Variants in SNX24 observed in about 807,000 individuals in gnomAD.
SNX24 encodes sorting nexin-24.
SNX24 carries 22 observed loss-of-function variants against 28.7 expected under a neutral mutation model. That is an observed-to-expected ratio of 0.77 (90% CI 0.55 to 1.10). SNX24 has a LOEUF of 1.10. Ranked by LOEUF, SNX24 falls within the 50% of genes least tolerant of loss-of-function variation. The pLI, the probability that SNX24 is intolerant of heterozygous loss-of-function variation, is 0.00. For missense variants in SNX24, 221 were observed against 201.1 expected, an observed-to-expected ratio of 1.10 and a Z score of -0.60; for synonymous variants, 69 against 71.5, an observed-to-expected ratio of 0.96 and a Z score of 0.18.
chr5:122,915,326 A>G (rs1453056074), intron 1 of SNX24, among the ~76,000 whole-genome samples: 3 of 152,204 alleles, frequency 2.0e-5, no homozygotes, highest in East Asian at 1.9e-4. Context: ...TCATTTTGCA[A>G]TCAGAAAGAT....
At chr5:122,977,887 A>G (rs1030073960) in intron 3 of SNX24, among the ~76,000 whole-genome samples, 5 of 152,294 alleles carry the variant, frequency 3.3e-5, no homozygotes, top group African/African-American at 9.6e-5. Context: ...TCACCATAAA[A>G]TTTAGCCTGT....
intron 2 of SNX24, among the ~76,000 whole-genome samples, chr5:122,941,856 C>T (rs1029360615): frequency 6.6e-6 from 1 of 152,152 alleles, no homozygotes; most frequent in Admixed American, 6.5e-5. Flanking sequence ...CTTTGTAGCT[C>T]CTCTGCTAGT....
intron 3 of SNX24, among the ~76,000 whole-genome samples, chr5:122,958,860 A>G (rs1760337190): frequency 6.6e-6 from 1 of 152,004 alleles, no homozygotes; most frequent in East Asian, 1.9e-4. Flanking sequence ...CCACCTGGCC[A>G]ATATAGTCTT....
chr5:122,881,116 G>C (rs1242328014), intron 1 of SNX24, among the ~76,000 whole-genome samples: 2 of 152,166 alleles, frequency 1.3e-5, no homozygotes, highest in African/African-American at 4.8e-5. Flanking sequence ...GGACACAGGA[G>C]AGACTCTTCT....
chr5:122,884,827 A>C (rs1211748427), intron 1 of SNX24, among the ~76,000 whole-genome samples: 1 of 152,122 alleles, frequency 6.6e-6, no homozygotes, highest in Non-Finnish European at 1.5e-5. Flanking sequence ...CTGTTCTAGC[A>C]GAAGGTATGT....
intron 5 of SNX24, among the ~76,000 whole-genome samples, chr5:123,027,714 A>G (rs565683997): frequency 6.6e-6 from 1 of 152,354 alleles, no homozygotes; most frequent in East Asian, 1.9e-4. Flanking sequence ...ATAAACATAA[A>G]ATTAGAAATA....
At chr5:122,911,772 A>G (rs1274450983) in intron 1 of SNX24, among the ~76,000 whole-genome samples, 2 of 64,910 alleles carry the variant, frequency 3.1e-5, no homozygotes, top group African/African-American at 9.7e-5. Flanking sequence ...CAAAGATCAG[A>G]TAGTTGTAGA....
intron 1 of SNX24, among the ~76,000 whole-genome samples, chr5:122,901,539 G>A (rs1757450111): frequency 6.6e-6 from 1 of 152,140 alleles, no homozygotes; most frequent in Non-Finnish European, 1.5e-5. Context: ...GAGGTATTTG[G>A]GCATCTCATT....
At chr5:122,912,645 C>G (rs557124616) in intron 1 of SNX24, among the ~76,000 whole-genome samples, 3 of 151,462 alleles carry the variant, frequency 2.0e-5, no homozygotes, top group African/African-American at 7.3e-5. Context: ...TACGTCCCAT[C>G]AATACCTAAT....
intron 3 of SNX24, among the ~76,000 whole-genome samples, chr5:122,969,256 G>A (rs535420434): frequency 6.6e-6 from 1 of 152,186 alleles, no homozygotes; most frequent in South Asian, 2.1e-4. Flanking sequence ...TGCTTGTGGG[G>A]TGTAAGTGGT....
At chr5:122,878,520 A>G (rs1039328760) in intron 1 of SNX24, among the ~76,000 whole-genome samples, 2 of 152,216 alleles carry the variant, frequency 1.3e-5, no homozygotes, top group Non-Finnish European at 2.9e-5. Flanking sequence ...TTCAAGGTCA[A>G]GGAATGGAGT....
At chr5:122,897,827 CTTAA>C (rs1198302307) in intron 1 of SNX24, among the ~76,000 whole-genome samples, 1 of 152,116 alleles carries the variant, frequency 6.6e-6, no homozygotes, top group African/African-American at 2.4e-5. Flanking sequence ...ATTAGTGGAA[CTTAA>C]TTGTTTAAAT....
At chr5:122,912,483 C>G (rs1432678944) in intron 1 of SNX24, among the ~76,000 whole-genome samples, 1 of 151,970 alleles carries the variant, frequency 6.6e-6, no homozygotes, top group Non-Finnish European at 1.5e-5. Context: ...GCCTCATTGC[C>G]CTGGCCAGAA....
chr5:122,877,878 G>A (rs567233430), intron 1 of SNX24, among the ~76,000 whole-genome samples: 229 of 152,194 alleles, frequency 1.5e-3, no homozygotes, highest in African/African-American at 5.3e-3. Context: ...CTCCTCTCTT[G>A]GTGGTCCTGC....
intron 1 of SNX24, among the ~76,000 whole-genome samples, chr5:122,862,408 G>A (rs1755505810): frequency 1.3e-5 from 2 of 152,068 alleles, no homozygotes; most frequent in Non-Finnish European, 2.9e-5. Context: ...GAGGTCAGGA[G>A]ATCGAGACCA....
At chr5:122,959,190 T>G (rs2150136783) in intron 3 of SNX24, among the ~76,000 whole-genome samples, 1 of 152,190 alleles carries the variant, frequency 6.6e-6, no homozygotes, top group South Asian at 2.1e-4. Context: ...GTTCAGATTT[T>G]CTAGTTCTTC....
chr5:123,019,843 C>T (rs574426491), intron 5 of SNX24, among the ~76,000 whole-genome samples: 32 of 152,242 alleles, frequency 2.1e-4, no homozygotes, highest in Admixed American at 6.5e-4. Flanking sequence ...AGTAACAGTT[C>T]CTATTTTCAT....
chr5:122,868,536 C>A, intron 1 of SNX24, among the ~76,000 whole-genome samples: 1 of 152,162 alleles, frequency 6.6e-6, no homozygotes, highest in Admixed American at 6.6e-5. Context: ...CAAACAACAT[C>A]CGTATCTGCC....
downstream of SNX24, among the ~76,000 whole-genome samples, chr5:123,011,694 A>C (rs1762581909): frequency 6.6e-6 from 1 of 152,196 alleles, no homozygotes; most frequent in Admixed American, 6.5e-5. Context: ...GGAGGTGGAG[A>C]AATTGCAACC....
Sources: allele counts gnomAD v4.1 joint callset (sites outside exome capture counted in the v4.1 genomes callset), GRCh38; gene constraint gnomAD v4.1.1; transcripts MANE v1.5; gene names NCBI Gene and HGNC (gene_info 2026-07-23, HGNC 2026-07-21).